The following ALG6 variants were observed in gnomAD, a reference collection of about 807,000 sequenced individuals.
ALG6 encodes ALG6 alpha-1,3-glucosyltransferase.
Under a neutral mutation model 66.6 loss-of-function variants are expected in ALG6, and 46 were observed. The observed-to-expected ratio is 0.69, with a 90% CI of 0.55 to 0.88. The LOEUF (loss-of-function observed/expected upper bound fraction) is 0.88, where lower values mean the gene tolerates loss of function less well. Among genes scored for constraint, ALG6 ranks in the 40% least tolerant of loss-of-function variants. The probability of loss-of-function intolerance (pLI) is 0.00; values close to 1 mark genes in which losing one functional copy is unlikely to be tolerated. For synonymous variants in ALG6, 185 were observed against 203.7 expected (o/e 0.91, Z 0.78); for missense variants, 505 against 586.8 (o/e 0.86, Z 1.44).
intron 12 of ALG6, among the ~76,000 whole-genome samples, chr1:63,424,774 ATTTTTTTTTTTT>A (rs146137714): frequency 1.8e-5 from 2 of 114,046 alleles, no homozygotes; most frequent in Non-Finnish European, 3.4e-5. Flanking sequence ...TTTTGAGTTA[ATTTTTTTTTTTT>A]TTTTTTTTTT....
At chr1:63,422,114 T>TAA (rs1557594724) in intron 12 of ALG6, among the ~76,000 whole-genome samples, 2 of 111,006 alleles carry the variant, frequency 1.8e-5, no homozygotes, top group Non-Finnish European at 3.5e-5. Flanking sequence ...TATAAATATA[T>TAA]ATAAATATAT....
chr1:63,403,043 C>T lies in ALG6; in HGVS notation c.257+700C>T, dbSNP rs1435471505. ...CCAGGAGGTGGAGGTTGCAGTGAGC[C>T]GAGATCACGCCACTGCATTCCATCC... On this transcript the variant is annotated intron_variant, in intron 4 of 14. Coordinates refer to ENST00000263440, the MANE Select transcript of ALG6 (RefSeq NM_013339.4). Among the ~76,000 whole-genome samples the T allele has an allele frequency of 2.0e-4, 27 of 137,726 alleles. 2 individuals carry two copies. The highest frequency in any genetic ancestry group is 1.5e-3 in the Admixed American group (18 of 12,288). 90.4% of individuals were successfully genotyped at this position (137,726 alleles called of 152,430 possible). A position where few individuals can be genotyped will look rare whatever the true frequency, so the allele number is the denominator to read the frequency against.
intron 2 of ALG6, among the ~76,000 whole-genome samples, chr1:63,395,430 T>C (rs1260488337): frequency 2.0e-5 from 3 of 152,204 alleles, no homozygotes; most frequent in African/African-American, 7.2e-5. Context: ...GCATGGTGGC[T>C]GACGCCTATA....
chr1:63,422,400 T>G (rs1644589696), intron 12 of ALG6, among the ~76,000 whole-genome samples: 1 of 70,794 alleles, frequency 1.4e-5, no homozygotes, highest in Non-Finnish European at 2.6e-5. Flanking sequence ...TAAATATATA[T>G]CTATATAAAT....
intron 3 of ALG6, among the ~76,000 whole-genome samples, chr1:63,399,936 C>T (rs1272930190): frequency 6.6e-6 from 1 of 151,572 alleles, no homozygotes; most frequent in Non-Finnish European, 1.5e-5. Flanking sequence ...GTGGCTTACG[C>T]CTGTAATCCC....
rs1644632851 is a variant in ALG6, at chr1:63,429,176, T to TA, written c.1326+56dup. ...CACATTTTTCAGCATGTCACTATTT[T>TA]AAAAAATTATTGAAGTAGTGATTTT... On this transcript the variant is annotated intron_variant, in intron 14 of 14. Transcript: ENST00000263440. 7 of 1,335,418 alleles carry TA rather than the reference T, an allele frequency of 5.2e-6. No individual in the cohort carries two copies. The Admixed American group carries it at 1.4e-4, about 27-fold the overall frequency. 82.7% of individuals were successfully genotyped at this position (1,335,418 alleles called of 1,614,324 possible). A position where few individuals can be genotyped will look rare whatever the true frequency, so the allele number is the denominator to read the frequency against.
intron 2 of ALG6, among the ~76,000 whole-genome samples, chr1:63,392,170 T>TG (rs1308842407): frequency 6.0e-5 from 9 of 149,996 alleles, no homozygotes; most frequent in African/African-American, 2.3e-4. Flanking sequence ...TATAAAAGGA[T>TG]GATTTTTTTT....
Position 63,369,438 on chromosome 1 carries a change from G to C in ALG6, c.-207-1333G>C, listed in dbSNP as rs561689712. On this transcript the variant is annotated intron_variant, in intron 1 of 14. Coordinates refer to ENST00000263440, the MANE Select transcript of ALG6 (RefSeq NM_013339.4). ...GAGGTCAGGAGTTCAAGATCAGCCTGGCCAATCTGGTGAAACCCCGTCTCT... is the reference window on the plus strand; with the variant it reads ...GAGGTCAGGAGTTCAAGATCAGCCTCGCCAATCTGGTGAAACCCCGTCTCT... Among the ~76,000 whole-genome samples the C allele has an allele frequency of 3.1e-4, 47 of 152,186 alleles. No individual in the cohort carries two copies. The East Asian group carries it at 8.8e-3, about 28-fold the overall frequency.
intron 2 of ALG6, chr1:63,371,311 A>G: frequency 2.1e-6 from 1 of 472,704 alleles, no homozygotes; most frequent in South Asian, 2.1e-5. Context: ...TTGAGAAATG[A>G]TTCTGTATTA....
At position 63,399,797 on chromosome 1, in the gene ALG6, A is replaced by AT. The variant is rs921189437; in HGVS notation, c.168-2447dup. ...TAATTTTATAATTCGTGTGGCAGCC[A>AT]TTTTTTTTTTACTTACTAAACATCT... On this transcript the variant is annotated intron_variant, in intron 3 of 14. Transcript: ENST00000263440. Among the ~76,000 whole-genome samples the AT allele has an allele frequency of 1.5e-3, 220 of 149,562 alleles. 2 individuals are homozygous for AT. The highest frequency in any genetic ancestry group is 5.0e-3 in the African/African-American group (205 of 40,956).
chr1:63,381,898 A>G (rs1648322115), intron 2 of ALG6, among the ~76,000 whole-genome samples: 2 of 152,116 alleles, frequency 1.3e-5, no homozygotes, highest in Admixed American at 6.5e-5. Context: ...AGTTTTCACT[A>G]TGTTGCCCAA....
intron 2 of ALG6, among the ~76,000 whole-genome samples, chr1:63,374,195 T>C (rs1262421738): frequency 1.3e-5 from 2 of 152,176 alleles, no homozygotes; most frequent in Non-Finnish European, 2.9e-5. Flanking sequence ...TCGAGGAATA[T>C]GGAGGAAGTA....
intron 10 of ALG6, among the ~76,000 whole-genome samples, 200 bp downstream of exon 10, chr1:63,414,346 G>A (rs1032161006): frequency 1.3e-5 from 2 of 151,780 alleles, no homozygotes; most frequent in Non-Finnish European, 2.9e-5. Context: ...CTGTCTCCTG[G>A]GTTCAAGTGA....
intron 3 of ALG6, among the ~76,000 whole-genome samples, chr1:63,399,664 G>A (rs898515480): frequency 2.0e-5 from 3 of 151,912 alleles, no homozygotes; most frequent in Non-Finnish European, 2.9e-5. Context: ...CTTTGAAACT[G>A]TTTCAGGCTA....
intron 9 of ALG6, 149 bp downstream of exon 9, chr1:63,412,210 A>G: frequency 7.7e-7 from 1 of 1,295,778 alleles, no homozygotes; most frequent in Non-Finnish European, 1.1e-6. Context: ...TGATTAATTG[A>G]TTGGTTGAGA....
rs139186495 is a variant in ALG6, at chr1:63,398,252, C to T, written c.167+1655C>T. On this transcript the variant is annotated intron_variant, in intron 3 of 14. Coordinates refer to ENST00000263440, the MANE Select transcript of ALG6 (RefSeq NM_013339.4). ...GAGTGTTTCAAATGGAAGAGGAACT[C>T]GAAACACTTTAAATGTCTCTTAGTA... Among the ~76,000 whole-genome samples, 25 of 152,146 alleles carry T rather than the reference C, an allele frequency of 1.6e-4. No homozygotes were observed. The East Asian group carries it at 4.4e-3, about 27-fold the overall frequency.
intron 3 of ALG6, among the ~76,000 whole-genome samples, chr1:63,400,047 A>G (rs978818994): frequency 6.7e-6 from 1 of 149,996 alleles, no homozygotes; most frequent in Non-Finnish European, 1.5e-5. Context: ...ATATGAAATT[A>G]GCTGGGCGTG....
intron 2 of ALG6, among the ~76,000 whole-genome samples, chr1:63,375,204 A>G (rs867383304): frequency 6.0e-4 from 92 of 152,196 alleles, no homozygotes; most frequent in African/African-American, 2.1e-3. Flanking sequence ...TCCATTAAAA[A>G]AAAAATGTAG....
intron 2 of ALG6, among the ~76,000 whole-genome samples, chr1:63,372,145 G>C (rs1336512904): frequency 6.6e-6 from 1 of 152,158 alleles, no homozygotes; most frequent in Admixed American, 6.5e-5. Flanking sequence ...ACAGAGCATG[G>C]TTATTATAAG....
Sources: allele counts gnomAD v4.1 joint callset (sites outside exome capture counted in the v4.1 genomes callset), GRCh38; gene constraint gnomAD v4.1.1; transcripts MANE v1.5; gene names NCBI Gene and HGNC (gene_info 2026-07-23, HGNC 2026-07-21).